Variants in PLEKHH3 observed in about 807,000 individuals in gnomAD.
PLEKHH3 encodes pleckstrin homology, MyTH4 and FERM domain containing H3.
PLEKHH3 carries 57 observed loss-of-function variants against 77.8 expected under a neutral mutation model. The ratio of observed to expected loss-of-function variants is 0.73; its 90% CI spans 0.59 to 0.91. The LOEUF (loss-of-function observed/expected upper bound fraction) is 0.91, where lower values mean the gene tolerates loss of function less well. Among genes scored for constraint, PLEKHH3 ranks in the 40% least tolerant of loss-of-function variants. The pLI, the probability that PLEKHH3 is intolerant of heterozygous loss-of-function variation, is 0.00. For missense variants in PLEKHH3, 1,082 were observed against 1,091.2 expected, an observed-to-expected ratio of 0.99 and a Z score of 0.12; for synonymous variants, 467 against 504.8, an observed-to-expected ratio of 0.93 and a Z score of 1.00.
chr17:42,671,008 G>A lies in PLEKHH3; in HGVS notation c.1407C>T (p.Leu469=). 1 of 1,610,140 alleles carries A rather than the reference G, an allele frequency of 6.2e-7. No individual in the cohort carries two copies. The highest frequency in any genetic ancestry group is 8.5e-7 in the Non-Finnish European group (1 of 1,179,016). ...TGGACATTTACTTCTCAAACCTGGT[G>A]AGCACGTCGGCCACGAGGGTCCCCC... The part of the protein sequence containing the change: ...LAGGTLVADV[L]TRFENLAAEE... The change falls in exon 9 of 13, where the codon CTC becomes CTT. Residue 469 remains leucine (L), a synonymous_variant. Coordinates refer to ENST00000591022, the MANE Select transcript of PLEKHH3 (RefSeq NM_024927.5). The surrounding 1 kb of genome is among the most constrained non-coding windows in gnomAD (Gnocchi z 4.7).
At chr17:42,673,344 AC>A (rs756693273) in intron 5 of PLEKHH3, 48 bp from the exon 6 acceptor site, 1 of 1,606,446 alleles carries the variant, frequency 6.2e-7, no homozygotes, top group African/African-American at 1.3e-5. Flanking sequence ...GGAGTTCCTC[AC>A]AACCCCAGAA....
At position 42,670,146 on chromosome 17, in the gene PLEKHH3, G is replaced by A. The variant is rs2052655946; in HGVS notation, c.1785C>T (p.Gly595=). ...CCCGCTCCGCCCGCCTCTTGGCCAG[G>A]CCCGGGCTCCAGAGCGCCCCGGCCA... ...ALLAGALWSP[G]LAKRRAERAR... The change falls in exon 11 of 13, where the codon GGC becomes GGT. Residue 595 remains glycine, a synonymous_variant. Coordinates refer to ENST00000591022, the MANE Select transcript of PLEKHH3 (RefSeq NM_024927.5). The A allele has an allele frequency of 3.2e-6, 4 of 1,248,918 alleles. No homozygotes were observed. The highest frequency in any genetic ancestry group is 1.6e-5 in the African/African-American group (1 of 63,226). The allele number at this position is 1,248,918 out of a possible 1,614,324, so 77.4% of individuals were successfully genotyped here. A position where few individuals can be genotyped will look rare whatever the true frequency, so the allele number is the denominator to read the frequency against.
At chr17:42,672,505 C>A in intron 6 of PLEKHH3, 113 bp from the exon 7 acceptor site, 4 of 923,110 alleles carry the variant, frequency 4.3e-6, no homozygotes, top group Non-Finnish European at 6.2e-6. Context: ...GATGGGGTGG[C>A]AGGGAGGGGA....
chr17:42,672,904 A>G (rs2052733858), intron 6 of PLEKHH3, among the ~76,000 whole-genome samples: 1 of 152,160 alleles, frequency 6.6e-6, no homozygotes, highest in Admixed American at 6.5e-5. Flanking sequence ...TCAAGAGGAT[A>G]ATGAAAAAAT....
chr17:42,676,269 C>A lies in PLEKHH3; in HGVS notation c.162+133G>T. ...CCGAGAGCTCCCGGGGGCTTTGGCCCCCAGGCAAAAAACTCTCCCTCATCC... is the reference window on the plus strand; with the variant it reads ...CCGAGAGCTCCCGGGGGCTTTGGCCACCAGGCAAAAAACTCTCCCTCATCC... On this transcript the variant is annotated intron_variant, in intron 1 of 12. Coordinates refer to ENST00000591022, the MANE Select transcript of PLEKHH3 (RefSeq NM_024927.5). This position sits in a 1 kb window ranked among gnomAD's most constrained non-coding sequence, Gnocchi z 6.6. 1 of 1,465,398 alleles carries A rather than the reference C, an allele frequency of 6.8e-7. No individual in the cohort carries two copies. Among genetic ancestry groups the A allele is most frequent in the African/African-American group, 1.4e-5 (1 of 71,016 alleles). The allele number at this position is 1,465,398 out of a possible 1,614,324, so 90.8% of individuals were successfully genotyped here. A position where few individuals can be genotyped will look rare whatever the true frequency, so the allele number is the denominator to read the frequency against.
rs2052760348 is a variant in PLEKHH3 at position 42,673,839 on chromosome 17, G to A, written c.299-5C>T. 3.1e-6 allele frequency: 5 copies of A among 1,598,360 alleles called. No homozygotes were observed. The highest frequency in any genetic ancestry group is 4.3e-6 in the Non-Finnish European group (5 of 1,175,770). On this transcript the variant is annotated splice_region_variant and splice_polypyrimidine_tract_variant and intron_variant, in intron 3 of 12. Coordinates refer to ENST00000591022, the MANE Select transcript of PLEKHH3 (RefSeq NM_024927.5). ...GGGGCTCCCGGTACAGCCAACCTGG[G>A]GGCCGGAGAGGGAGGGAAGGGACAT...
intron 9 of PLEKHH3, 88 bp from the exon 10 acceptor site, chr17:42,670,793 GGGGCGGGGCCT>G: frequency 6.5e-7 from 1 of 1,531,628 alleles, no homozygotes. Context: ...CCATGTGTTT[GGGGCGGGGCCT>G]GGGCGGAGCC....
intron 5 of PLEKHH3, 28 bp from the exon 6 acceptor site, chr17:42,673,324 G>A (rs369015809): frequency 7.5e-6 from 12 of 1,603,676 alleles, no homozygotes; most frequent in South Asian, 6.7e-5. Context: ...GGGTCACCTT[G>A]ATGGGGAAGG....
At chr17:42,668,555 T>C in intron 12 of PLEKHH3, 1 of 250,496 alleles carries the variant, frequency 4.0e-6, no homozygotes, top group South Asian at 1.1e-4. Context: ...CCTCCTGGGT[T>C]CACACCATTC....
rs752138991 is a variant in PLEKHH3, at chr17:42,670,605, C to A, written c.1522G>T (p.Asp508Tyr). 1 of 1,612,408 alleles carries A rather than the reference C, an allele frequency of 6.2e-7. No individual in the cohort carries two copies. The highest frequency in any genetic ancestry group is 8.5e-7 in the Non-Finnish European group (1 of 1,179,310). Reference sequence around the variant, plus strand: ...AAGAGGAAAGGCAGTTCGTGACCGTCTGGGGACAGCCCCTCAGGGTGCAGA... The same window carrying A: ...AAGAGGAAAGGCAGTTCGTGACCGTATGGGGACAGCCCCTCAGGGTGCAGA... ...GPLHPEGLSP[D>Y]GHELPFLFEQ... The change falls in exon 10 of 13, where the codon GAC (aspartate) becomes TAC (tyrosine). Residue 508 changes from aspartate to tyrosine, a missense_variant. Asp to Tyr is a radical substitution (Grantham distance 160, BLOSUM62 -3). This residue lies in a region of PLEKHH3 where 733 missense variants were observed against 750.0 expected (regional missense o/e 0.98). Coordinates refer to ENST00000591022, the MANE Select transcript of PLEKHH3 (RefSeq NM_024927.5).
rs376236776 is a variant in PLEKHH3 at position 42,668,223 on chromosome 17, T to G, written c.2286A>C (p.Pro762=). The change falls in exon 13 of 13, where the codon CCA becomes CCC. Residue 762 remains proline, a synonymous_variant. Transcript: ENST00000591022. Reference sequence around the variant, plus strand: ...GGGAGGTGTCTGGCAGGTCTTGGCATGGAGGAGAAGAGCTGCTGCAGGGCC... The same window carrying G: ...GGGAGGTGTCTGGCAGGTCTTGGCAGGGAGGAGAAGAGCTGCTGCAGGGCC... ...PERPCSSSSP[P]CQDLPDTSPP... The G allele has an allele frequency of 2.6e-6, 4 of 1,555,260 alleles. No individual in the cohort carries two copies. In the African/African-American group the frequency reaches 5.8e-5, roughly 23 times the overall value.
intron 1 of PLEKHH3, chr17:42,674,788 CCA>C (rs1375586328): frequency 4.6e-6 from 1 of 216,860 alleles, no homozygotes; most frequent in African/African-American, 2.3e-5. Flanking sequence ...CTTAGTTTCC[CCA>C]TCTTTGAAAC....
Position 42,669,913 on chromosome 17 carries a change from C to A in PLEKHH3, c.2013+5G>T. The A allele has an allele frequency of 6.2e-7, 1 of 1,613,502 alleles. No individual in the cohort carries two copies. The highest frequency in any genetic ancestry group is 8.5e-7 in the Non-Finnish European group (1 of 1,179,912). On this transcript the variant is annotated splice_donor_5th_base_variant and intron_variant, in intron 11 of 12. Coordinates refer to ENST00000591022, the MANE Select transcript of PLEKHH3 (RefSeq NM_024927.5). Reference sequence around the variant, plus strand: ...CAGAGTCCCCTTCTCCCTTCTCCCCCTCACCGTGCTCAGCTCCAGAACGTC... The same window carrying A: ...CAGAGTCCCCTTCTCCCTTCTCCCCATCACCGTGCTCAGCTCCAGAACGTC...
Position 42,671,542 on chromosome 17 carries a change from G to A in PLEKHH3, c.1093C>T (p.Pro365Ser). 2 of 1,611,020 alleles carry A rather than the reference G, an allele frequency of 1.2e-6. No homozygotes were observed. Among genetic ancestry groups the A allele is most frequent in the Non-Finnish European group, 8.5e-7 (1 of 1,179,088 alleles). ...GHLERTEQAL[P>S]DSELAEYARF... ...GCATATTCCGCCAGTTCCGAGTCCG[G>A]GAGTGCCTGCTCGGTCCTGGGTTAG... Residue 365 changes from proline (P) to serine (S), a missense_variant, in exon 8 of 13, where the codon CCG becomes TCG. Transcript: ENST00000591022. This position sits in a 1 kb window ranked among gnomAD's most constrained non-coding sequence, Gnocchi z 4.7.
Position 42,668,005 on chromosome 17 carries a change from GC to G in PLEKHH3, c.*121del, listed in dbSNP as rs568436277. The G allele has an allele frequency of 1.5e-5, 11 of 724,202 alleles. No homozygotes were observed. In the South Asian group the frequency reaches 7.1e-4, roughly 47 times the overall value. 44.9% of individuals were successfully genotyped at this position (724,202 alleles called of 1,614,324 possible). On this transcript the variant is annotated 3_prime_UTR_variant, in exon 13 of 13. Transcript: ENST00000591022. Reference sequence around the variant, plus strand: ...TAGAAAATTACCCACACCCATTGTAGCCCTTGGGTGTGGGATGTGCCCTGTC... The same window carrying G: ...TAGAAAATTACCCACACCCATTGTAGCCTTGGGTGTGGGATGTGCCCTGTC...
Position 42,670,110 on chromosome 17 carries a change from G to A in PLEKHH3, c.1821C>T (p.Gly607=), listed in dbSNP as rs1388316407. 8 of 1,304,946 alleles carry A rather than the reference G, an allele frequency of 6.1e-6. No individual in the cohort carries two copies. Among genetic ancestry groups the A allele is most frequent in the Admixed American group, 4.3e-5 (1 of 23,226 alleles). The allele number at this position is 1,304,946 out of a possible 1,614,324, so 80.8% of individuals were successfully genotyped here. The change falls in exon 11 of 13, where the codon GGC becomes GGT. Residue 607 remains glycine (G), a synonymous_variant. Transcript: ENST00000591022. ...AKRRAERARR[G]GAGRTAGSIA... ...TGCTTCCCGCAGTGCGGCCGGCCCC[G>A]CCGCGCCGGGCCCGCTCCGCCCGCC...
chr17:42,673,383 T>C lies in PLEKHH3; in HGVS notation c.648+16A>G, dbSNP rs1441672314. On this transcript the variant is annotated intron_variant, in intron 5 of 12. Transcript: ENST00000591022. ...CTTTGGGGTCCACCACTCTCCTGGCTCTCCCTGGTGTGTACCTGTATGTCC... is the reference window on the plus strand; with the variant it reads ...CTTTGGGGTCCACCACTCTCCTGGCCCTCCCTGGTGTGTACCTGTATGTCC... The C allele has an allele frequency of 6.2e-7, 1 of 1,612,686 alleles. No homozygotes were observed. The highest frequency in any genetic ancestry group is 1.3e-5 in the African/African-American group (1 of 74,974).
In PLEKHH3 at chr17:42,669,973, G is replaced by A. The variant is rs1310252033; in HGVS notation, c.1958C>T (p.Ala653Val). 1 of 1,612,144 alleles carries A rather than the reference G, an allele frequency of 6.2e-7. No individual in the cohort carries two copies. The highest frequency in any genetic ancestry group is 8.5e-7 in the Non-Finnish European group (1 of 1,179,690). ...AEAMAAYLAL[A>V]AQCPGFGAAR... ...AGCGCCGAACCCCGGACACTGCGCCGCCAGGGCCAGGTAGGCGGCCATGGC... is the reference window on the plus strand; with the variant it reads ...AGCGCCGAACCCCGGACACTGCGCCACCAGGGCCAGGTAGGCGGCCATGGC... Residue 653 changes from alanine (A) to valine (V), a missense_variant, in exon 11 of 13, where the codon GCG becomes GTG. This residue lies in a region of PLEKHH3 where 733 missense variants were observed against 750.0 expected (regional missense o/e 0.98). Coordinates refer to ENST00000591022, the MANE Select transcript of PLEKHH3 (RefSeq NM_024927.5).
chr17:42,673,950 C>G lies in PLEKHH3; in HGVS notation c.282G>C (p.Pro94=), dbSNP rs750490310. The change falls in exon 3 of 13, where the codon CCG becomes CCC. Residue 94 remains proline, a synonymous_variant. Coordinates refer to ENST00000591022, the MANE Select transcript of PLEKHH3 (RefSeq NM_024927.5). ...GGTCTCTACCTTTCACAACGATGTC[C>G]GGGTCGTCCTCCGGCAGCCCTTTCT... ...IPEKGLPEDD[P]DIVVKGWLYR... 6.2e-7 allele frequency: 1 copy of G among 1,613,522 alleles called. No homozygotes were observed. Among genetic ancestry groups the G allele is most frequent in the South Asian group, 1.1e-5 (1 of 91,080 alleles).
Sources: gnomAD v4.1 joint callset for allele counts (sites outside exome capture counted in the v4.1 genomes callset) on GRCh38, gnomAD v4.1.1 for gene constraint, gnomAD v4.1.1 regional missense constraint, Gnocchi (gnomAD v3.1) non-coding constraint, MANE v1.5 for transcripts, NCBI Gene and HGNC (gene_info 2026-07-23, HGNC 2026-07-21) for gene names.